Variants in WDR41 observed in about 807,000 individuals in gnomAD.
WDR41 encodes WD repeat-containing protein 41.
Under a neutral mutation model 69.3 loss-of-function variants are expected in WDR41, and 63 were observed. The observed-to-expected ratio is 0.91, with a 90% confidence interval of 0.74 to 1.12. WDR41 has a LOEUF of 1.12. Ranked by LOEUF, WDR41 falls within the 50% of genes most tolerant of loss-of-function variation. WDR41 has a pLI of 0.00. For missense variants in WDR41, 543 were observed against 534.5 expected (o/e 1.02, Z -0.16); for synonymous variants, 185 against 192.1 (o/e 0.96, Z 0.31).
chr5:77,482,882 C>T (rs955373294), intron 2 of WDR41, among the ~76,000 whole-genome samples: 4 of 148,290 alleles, frequency 2.7e-5, no homozygotes, highest in African/African-American at 9.9e-5. Context: ...AAAAAGCACA[C>T]ATCACCCTTG....
chr5:77,464,873 A>G, intron 2 of WDR41, 64 bp from the exon 3 acceptor site: 5 of 1,509,582 alleles, frequency 3.3e-6, no homozygotes, highest in Non-Finnish European at 4.6e-6. Context: ...TAAGATTAAG[A>G]ACTATCAAAC....
At chr5:77,489,085 A>G (rs1489088161) in intron 2 of WDR41, among the ~76,000 whole-genome samples, 7 of 152,208 alleles carry the variant, frequency 4.6e-5, no homozygotes, top group African/African-American at 1.4e-4. Flanking sequence ...CATTCCTGGT[A>G]GGTACCTGAT....
At chr5:77,569,930 A>G (rs1743703854) in intron 1 of WDR41, among the ~76,000 whole-genome samples, 1 of 152,188 alleles carries the variant, frequency 6.6e-6, no homozygotes, top group African/African-American at 2.4e-5. Flanking sequence ...TGGCTATTGC[A>G]CAGTACAGTA....
At chr5:77,582,338 T>C in intron 1 of WDR41, 4 of 1,571,900 alleles carry the variant, frequency 2.5e-6, no homozygotes, top group East Asian at 4.5e-5. Context: ...AAGTGCAGAG[T>C]ACGCATGCGC....
chr5:77,560,163 T>C (rs1743495362), intron 1 of WDR41, among the ~76,000 whole-genome samples: 1 of 152,134 alleles, frequency 6.6e-6, no homozygotes, highest in African/African-American at 2.4e-5. Context: ...ATAAAAAAAT[T>C]AGAAAGATGT....
Position 77,444,914 on chromosome 5 carries a change from A to G in WDR41, c.698-3917T>C, listed in dbSNP as rs545101010. 2.6e-5 allele frequency among the ~76,000 whole-genome samples: 4 copies of G among 152,366 alleles called. No homozygotes were observed. The South Asian group carries it at 6.2e-4, about 24-fold the overall frequency. ...AAAAAGTACTAATCCAAAAGCTAGA[A>G]GAAGACAAGAAATAACTAAGATCAG... On this transcript the variant is annotated intron_variant, in intron 8 of 12. Coordinates refer to ENST00000296679, the MANE Select transcript of WDR41 (RefSeq NM_018268.4).
intron 1 of WDR41, among the ~76,000 whole-genome samples, chr5:77,597,611 C>T (rs1000834854): frequency 4.6e-5 from 7 of 152,228 alleles, no homozygotes; most frequent in African/African-American, 1.2e-4. Flanking sequence ...TACCTCTTTA[C>T]GTATTTTGTC....
chr5:77,474,089 G>A (rs1360688514), intron 2 of WDR41, among the ~76,000 whole-genome samples: 1 of 152,160 alleles, frequency 6.6e-6, no homozygotes, highest in African/African-American at 2.4e-5. Context: ...TATACACCAT[G>A]GAATACTATG....
chr5:77,566,599 G>GATTT (rs1466076920), intron 1 of WDR41, among the ~76,000 whole-genome samples: 1 of 152,086 alleles, frequency 6.6e-6, no homozygotes, highest in African/African-American at 2.4e-5. Flanking sequence ...TAAAGAAAGG[G>GATTT]ATTTATTTAT....
chr5:77,437,417 T>C lies in WDR41; in HGVS notation c.1012A>G (p.Ile338Val). The change falls in exon 11 of 13, where the codon ATC becomes GTC. Residue 338 changes from isoleucine to valine, a missense_variant. Ile to Val is a conservative substitution (Grantham distance 29). Coordinates refer to ENST00000296679, the MANE Select transcript of WDR41 (RefSeq NM_018268.4). ...HVARLPNRQLISCSEDGSVRI... is the reference protein window; with the variant it reads ...HVARLPNRQLVSCSEDGSVRI... ...ACACTGCCATCTTCTGAGCATGAGA[T>C]TAACTGCCTGTCAGAACAGAAAATC... is the stretch of plus-strand genomic sequence containing the variant. The C allele has an allele frequency of 6.2e-7, 1 of 1,613,806 alleles. No individual in the cohort carries two copies. Among genetic ancestry groups the C allele is most frequent in the Non-Finnish European group, 8.5e-7 (1 of 1,179,846 alleles).
At chr5:77,608,928 G>A (rs569209605) in intron 1 of WDR41, among the ~76,000 whole-genome samples, 1 of 152,330 alleles carries the variant, frequency 6.6e-6, no homozygotes, top group South Asian at 2.1e-4. Context: ...GACGGCACCT[G>A]GAAAATCGGG....
intron 1 of WDR41, among the ~76,000 whole-genome samples, chr5:77,539,464 T>G (rs1462181310): frequency 1.3e-5 from 2 of 152,136 alleles, no homozygotes; most frequent in Non-Finnish European, 2.9e-5. Flanking sequence ...GTGGGGCTGA[T>G]TCTGCCTTTC....
chr5:77,481,838 C>A (rs183030800), intron 2 of WDR41, among the ~76,000 whole-genome samples: 1 of 148,872 alleles, frequency 6.7e-6, no homozygotes, highest in African/African-American at 2.5e-5. Flanking sequence ...AGTTTTGTAT[C>A]GGTTATTACT....
chr5:77,458,636 T>G (rs1490500639), intron 5 of WDR41, among the ~76,000 whole-genome samples: 2 of 152,116 alleles, frequency 1.3e-5, no homozygotes, highest in African/African-American at 2.4e-5. Flanking sequence ...CCAGGTAAGA[T>G]TTTTAGTTTT....
intron 1 of WDR41, among the ~76,000 whole-genome samples, chr5:77,563,395 A>G (rs748411022): frequency 4.6e-5 from 7 of 151,434 alleles, no homozygotes; most frequent in Non-Finnish European, 2.9e-5. Context: ...CCAAAACAGC[A>G]CTCCCCTACA....
intron 2 of WDR41, among the ~76,000 whole-genome samples, chr5:77,466,458 T>A (rs1031156085): frequency 1.3e-5 from 2 of 151,882 alleles, no homozygotes; most frequent in Non-Finnish European, 2.9e-5. Flanking sequence ...GTATAAAACA[T>A]CAATTTCTAT....
At position 77,438,372 on chromosome 5, in the gene WDR41, A is replaced by G; in HGVS notation, c.883-11T>C. On this transcript the variant is annotated splice_polypyrimidine_tract_variant and intron_variant, in intron 9 of 12. Coordinates refer to ENST00000296679, the MANE Select transcript of WDR41 (RefSeq NM_018268.4). The stretch of plus-strand genomic sequence containing the variant: ...TGCAGCAAATACATTCTAGGGGAAG[A>G]AGTTCAGAAATGGGCATAAAACTAG... 6.2e-7 allele frequency: 1 copy of G among 1,613,582 alleles called. No homozygotes were observed.
chr5:77,533,590 T>C (rs2112211408), intron 1 of WDR41, among the ~76,000 whole-genome samples: 1 of 152,142 alleles, frequency 6.6e-6, no homozygotes, highest in South Asian at 2.1e-4. Context: ...GGTAGGAAAG[T>C]GGAAACAAGG....
intron 5 of WDR41, among the ~76,000 whole-genome samples, chr5:77,457,958 A>G (rs191616911): frequency 6.6e-6 from 1 of 152,234 alleles, no homozygotes; most frequent in East Asian, 1.9e-4. Flanking sequence ...TCCTATAACC[A>G]GTTCATAACA....
Sources: gnomAD v4.1 joint callset for allele counts (sites outside exome capture counted in the v4.1 genomes callset) on GRCh38, gnomAD v4.1.1 for gene constraint, MANE v1.5 for transcripts, NCBI Gene and HGNC (gene_info 2026-07-23, HGNC 2026-07-21) for gene names.